NOP9: variants seen among roughly 807,000 people sequenced by gnomAD.
The protein encoded by NOP9 is nucleolar protein 9.
Under a neutral mutation model 63.0 loss-of-function variants are expected in NOP9, and 50 were observed. The observed-to-expected ratio is 0.79, with a 90% CI of 0.63 to 1.00. The LOEUF is 1.00. Ranked by LOEUF, NOP9 falls within the 50% of genes least tolerant of loss-of-function variation. NOP9 has a pLI of 0.00. For synonymous variants in NOP9, 343 were observed against 332.8 expected (o/e 1.03, Z -0.33); for missense variants, 758 against 803.0 (o/e 0.94, Z 0.68).
intron 9 of NOP9, 68 bp downstream of exon 9, chr14:24,304,666 C>A: frequency 8.0e-7 from 1 of 1,251,984 alleles, no homozygotes; most frequent in Non-Finnish European, 1.1e-6. Flanking sequence ...CACTGGGTAG[C>A]TGGGAAGTCT....
In NOP9 at chr14:24,307,300, C is replaced by A; in HGVS notation, c.*2205C>A. On this transcript the variant is annotated 3_prime_UTR_variant, in exon 10 of 10. Coordinates refer to ENST00000267425, the MANE Select transcript of NOP9 (RefSeq NM_174913.3). ...TGACTTCAGCCCTCTGCTCCATCAT[C>A]ACAAGTTGCCACTGTTGTGGAGCCC... is the stretch of plus-strand genomic sequence containing the variant. 1 of 1,514,024 alleles carries A rather than the reference C, an allele frequency of 6.6e-7. No homozygotes were observed. The highest frequency in any genetic ancestry group is 1.9e-5 in the Admixed American group (1 of 52,764). The allele number at this position is 1,514,024 out of a possible 1,614,324, so 93.8% of individuals were successfully genotyped here. A position where few individuals can be genotyped will look rare whatever the true frequency, so the allele number is the denominator to read the frequency against.
At chr14:24,280,420 G>A in the NOP9 span, among the ~76,000 whole-genome samples, 49 of 152,272 alleles carry the variant, frequency 3.2e-4, no homozygotes, top group Middle Eastern at 6.8e-3. Flanking sequence ...TCAGCACCAG[G>A]TCCTGTGGTG....
At chr14:24,282,296 C>G in the NOP9 span, among the ~76,000 whole-genome samples, 59 of 152,344 alleles carry the variant, frequency 3.9e-4, no homozygotes, top group African/African-American at 1.4e-3. Context: ...AATCCAGACT[C>G]TCGCTGTAAA....
chr14:24,296,737 C>T (rs1396015648), upstream of NOP9: 3 of 1,614,156 alleles, frequency 1.9e-6, no homozygotes, highest in Non-Finnish European at 2.5e-6. Context: ...TCAAAGGGTA[C>T]CTGGACCCCT....
chr14:24,296,885 G>T (rs1294953114), upstream of NOP9: 7 of 1,614,216 alleles, frequency 4.3e-6, no homozygotes, highest in Middle Eastern at 8.2e-4. Flanking sequence ...ATTGTGCCTG[G>T]AGTAGGACAG....
chr14:24,297,233 T>C (rs2041265897), upstream of NOP9, among the ~76,000 whole-genome samples: 1 of 152,232 alleles, frequency 6.6e-6, no homozygotes, highest in South Asian at 2.1e-4. Flanking sequence ...TTCCTTGTTG[T>C]GGTCATTTCC....
chr14:24,308,004 T>A lies in NOP9; in HGVS notation c.*2909T>A, dbSNP rs2041573956. On this transcript the variant is annotated 3_prime_UTR_variant, in exon 10 of 10. Coordinates refer to ENST00000267425, the MANE Select transcript of NOP9 (RefSeq NM_174913.3). ...AGTCAAGCCTGGACTCTGGCCCCCCTGCCTGGCCAGTAAGAAGGGCAAAGT... is the reference window on the plus strand; with the variant it reads ...AGTCAAGCCTGGACTCTGGCCCCCCAGCCTGGCCAGTAAGAAGGGCAAAGT... The A allele has an allele frequency of 1.4e-6, 1 of 738,786 alleles. No homozygotes were observed. The highest frequency in any genetic ancestry group is 2.3e-6 in the Non-Finnish European group (1 of 425,964). 45.8% of individuals were successfully genotyped at this position (738,786 alleles called of 1,614,324 possible). A position where few individuals can be genotyped will look rare whatever the true frequency, so the allele number is the denominator to read the frequency against.
Position 24,300,128 on chromosome 14 carries a change from C to A in NOP9, c.174C>A (p.Ser58Arg), listed in dbSNP as rs201814151. The change falls in exon 1 of 10, where the codon AGC (serine) becomes AGA (arginine). Residue 58 changes from serine (S) to arginine (R), a missense_variant. By Grantham distance (110) the Ser-to-Arg change is moderately radical (BLOSUM62 -1). Transcript: ENST00000267425. Reference protein sequence around the residue: ...EPAPDSHPHLSPEALGYFRRA... With the variant: ...EPAPDSHPHLRPEALGYFRRA... ...CTCCAGATTCGCACCCGCACCTGAG[C>A]CCGGAAGCTCTGGGATATTTCCGCC... 2 of 1,613,726 alleles carry A rather than the reference C, an allele frequency of 1.2e-6. No homozygotes were observed. The highest frequency in any genetic ancestry group is 1.7e-6 in the Non-Finnish European group (2 of 1,179,954).
chr14:24,301,680 C>T lies in NOP9; in HGVS notation c.766C>T (p.Arg256Cys), dbSNP rs143004628. 2.5e-6 allele frequency: 4 copies of T among 1,614,116 alleles called. No individual in the cohort carries two copies. The highest frequency in any genetic ancestry group is 2.2e-5 in the East Asian group (1 of 44,884). The change falls in exon 3 of 10, where the codon CGC becomes TGC. Residue 256 changes from arginine to cysteine, a missense_variant. Physicochemically the swap from Arg to Cys is radical, Grantham distance 180. Coordinates refer to ENST00000267425, the MANE Select transcript of NOP9 (RefSeq NM_174913.3). Reference sequence around the variant, plus strand: ...TGAAGTCCCTGAAACCTTTTTGAATCGCCTTCAGGACCTGAGCTCCTCCTT... The same window carrying T: ...TGAAGTCCCTGAAACCTTTTTGAATTGCCTTCAGGACCTGAGCTCCTCCTT... ...DFEVPETFLNRLQDLSSSFLK... is the reference protein window; with the variant it reads ...DFEVPETFLNCLQDLSSSFLK...
At chr14:24,296,574 G>T (rs1412078806), upstream of NOP9, 1 of 1,614,134 alleles carries the variant, frequency 6.2e-7, no homozygotes. Context: ...CCTTATTCCT[G>T]GTGTTCAGGA....
At chr14:24,289,801 G>A in the NOP9 span, among the ~76,000 whole-genome samples, 1 of 152,224 alleles carries the variant, frequency 6.6e-6, no homozygotes, top group Non-Finnish European at 1.5e-5. Context: ...GAAGAGATGT[G>A]CATCAGAAGC....
chr14:24,300,356 A>G, intron 1 of NOP9, 52 bp from the exon 2 acceptor site: 2 of 1,574,612 alleles, frequency 1.3e-6, no homozygotes, highest in Non-Finnish European at 1.7e-6. Context: ...GAGGGTACAT[A>G]ACTGTATTCT....
chr14:24,302,042 T>C lies in NOP9; in HGVS notation c.886T>C (p.Cys296Arg). ...TTTACACCGCAAACTTCCCCAGTTT[T>C]GCGCTCATCTCTGCAATGCTGTGAT... is the stretch of plus-strand genomic sequence containing the variant. ...QVLHRKLPQF[C>R]AHLCNAVIGY... Residue 296 changes from cysteine (C) to arginine (R), a missense_variant, in exon 4 of 10, where the codon TGC becomes CGC. Transcript: ENST00000267425. The C allele has an allele frequency of 6.2e-7, 1 of 1,614,118 alleles. No homozygotes were observed. The highest frequency in any genetic ancestry group is 1.1e-5 in the South Asian group (1 of 91,074).
chr14:24,281,582 A>G, the NOP9 span, among the ~76,000 whole-genome samples: 1 of 152,240 alleles, frequency 6.6e-6, no homozygotes, highest in Non-Finnish European at 1.5e-5. Flanking sequence ...GTCAAGAGCC[A>G]AGTGAATTTC....
the NOP9 span, chr14:24,292,059 G>T: frequency 8.5e-7 from 1 of 1,182,006 alleles, no homozygotes; most frequent in Non-Finnish European, 1.2e-6. Flanking sequence ...AATAATGTGT[G>T]TCCCATGCTC....
At chr14:24,276,258 T>A in the NOP9 span, among the ~76,000 whole-genome samples, 1 of 150,996 alleles carries the variant, frequency 6.6e-6, no homozygotes, top group South Asian at 2.1e-4. Flanking sequence ...GTGCCTGTAG[T>A]CCCAGCTACA....
the NOP9 span, among the ~76,000 whole-genome samples, chr14:24,272,082 C>T: frequency 2.0e-5 from 3 of 152,148 alleles, no homozygotes; most frequent in Admixed American, 6.5e-5. Flanking sequence ...CCCACTGTTC[C>T]TGGGAGAATG....
rs534512074 is a variant in NOP9 at position 24,307,218 on chromosome 14, C to T, written c.*2123C>T. On this transcript the variant is annotated 3_prime_UTR_variant, in exon 10 of 10. Transcript: ENST00000267425. ...CTCGGTGGAAAATGAACAAATTGAC[C>T]AGAGCTCATTAGGCCCACTCCGCTG... 4.0e-6 allele frequency: 3 copies of T among 757,248 alleles called. No individual in the cohort carries two copies. The highest frequency in any genetic ancestry group is 3.5e-5 in the African/African-American group (2 of 56,860). 46.9% of individuals were successfully genotyped at this position (757,248 alleles called of 1,614,324 possible).
chr14:24,291,116 GAC>G, the NOP9 span: 5 of 1,613,988 alleles, frequency 3.1e-6, no homozygotes, highest in Non-Finnish European at 4.2e-6. Context: ...AGTCAAGGCT[GAC>G]TGCTGTGCCA....
Sources: allele counts gnomAD v4.1 joint callset (sites outside exome capture counted in the v4.1 genomes callset), GRCh38; gene constraint gnomAD v4.1.1; transcripts MANE v1.5; gene names NCBI Gene and HGNC (gene_info 2026-07-23, HGNC 2026-07-21).